Variants in FARP2 observed in about 807,000 individuals in gnomAD.
FARP2 encodes FERM, ARHGEF and pleckstrin domain-containing protein 2.
FARP2 carries 111 observed loss-of-function variants against 130.5 expected under a neutral mutation model. The ratio of observed to expected loss-of-function variants is 0.85; its 90% CI spans 0.73 to 1.00. The LOEUF (loss-of-function observed/expected upper bound fraction) is 1.00. Ranked by LOEUF, FARP2 falls within the 50% of genes least tolerant of loss-of-function variation. The probability of loss-of-function intolerance (pLI) is 0.00; values close to 1 mark genes in which losing one functional copy is unlikely to be tolerated. For synonymous variants in FARP2, 504 were observed against 516.9 expected (o/e 0.98, Z 0.34); for missense variants, 1,385 against 1,346.3 (o/e 1.03, Z -0.45).
At chr2:241,493,548 G>A (rs2065009708) in intron 26 of FARP2, 104 bp downstream of exon 26, 2 of 1,075,756 alleles carry the variant, frequency 1.9e-6, no homozygotes, top group African/African-American at 3.1e-5. Context: ...GCCCTGGAAA[G>A]GAAGGGCTGA....
intron 12 of FARP2, among the ~76,000 whole-genome samples, chr2:241,437,596 G>A (rs1241672353): frequency 2.6e-5 from 4 of 151,636 alleles, no homozygotes; most frequent in African/African-American, 4.8e-5. Flanking sequence ...CTCCCAAGTA[G>A]CTGTGATTAC....
chr2:241,468,230 A>C lies in FARP2; in HGVS notation c.1984A>C (p.Lys662Gln), dbSNP rs553950638. 4 of 1,614,114 alleles carry C rather than the reference A, an allele frequency of 2.5e-6. No individual in the cohort carries two copies. In the East Asian group the frequency reaches 8.9e-5, roughly 36 times the overall value. ...KRCKKLEAVY[K>Q]EFELQKVCYL... ...CTGTAAGAAGTTGGAGGCAGTGTAC[A>C]AGGAGTTTGAGCTGCAGAAGGTCTG... The change falls in exon 18 of 27, where the codon AAG (lysine) becomes CAG (glutamine). Residue 662 changes from lysine to glutamine, a missense_variant. Transcript: ENST00000264042.
At chr2:241,449,103 C>T (rs918573463) in intron 13 of FARP2, among the ~76,000 whole-genome samples, 3 of 152,236 alleles carry the variant, frequency 2.0e-5, no homozygotes, top group Admixed American at 6.5e-5. Flanking sequence ...TCGGCTAACT[C>T]ATCAGGTTCA....
rs777004891 is a variant in FARP2 at position 241,456,728 on chromosome 2, C to T, written c.1412-19C>T. On this transcript the variant is annotated intron_variant, in intron 13 of 26. Transcript: ENST00000264042. ...CCTTTCTCATTTCTCGCTCCATCCC[C>T]CTCCCCGTTCATTTCCAGGCCTTTC... The T allele has an allele frequency of 6.2e-7, 1 of 1,613,864 alleles. No homozygotes were observed. The highest frequency in any genetic ancestry group is 2.2e-5 in the East Asian group (1 of 44,870).
intron 1 of FARP2, among the ~76,000 whole-genome samples, chr2:241,366,476 C>G (rs895404142): frequency 6.6e-6 from 1 of 151,646 alleles, no homozygotes; most frequent in Non-Finnish European, 1.5e-5. Context: ...AAAAAAATAA[C>G]CTGGGGAGTA....
chr2:241,435,510 ATTT>A (rs374376821), intron 11 of FARP2, among the ~76,000 whole-genome samples: 5 of 134,530 alleles, frequency 3.7e-5, no homozygotes, highest in Admixed American at 7.5e-5. Context: ...TGGATTTGTA[ATTT>A]TTTTTTTTTT....
intron 4 of FARP2, among the ~76,000 whole-genome samples, chr2:241,405,717 T>C (rs533779883): frequency 5.3e-5 from 8 of 151,938 alleles, no homozygotes; most frequent in Non-Finnish European, 1.0e-4. Flanking sequence ...GCAGATCACC[T>C]GAGGTCAGGA....
intron 13 of FARP2, 62 bp from the exon 14 acceptor site, chr2:241,456,685 C>T: frequency 6.4e-7 from 1 of 1,564,186 alleles, no homozygotes; most frequent in Non-Finnish European, 8.8e-7. Flanking sequence ...AGTAGCGGCT[C>T]TAAGCCAGCC....
chr2:241,451,515 T>G (rs1226052158), intron 13 of FARP2, among the ~76,000 whole-genome samples: 1 of 152,214 alleles, frequency 6.6e-6, no homozygotes, highest in Non-Finnish European at 1.5e-5. Flanking sequence ...TAGCTGGGCC[T>G]CATCTTTGTG....
intron 12 of FARP2, among the ~76,000 whole-genome samples, chr2:241,437,018 G>A (rs1258182906): frequency 7.9e-5 from 12 of 152,172 alleles, no homozygotes; most frequent in African/African-American, 2.9e-4. Flanking sequence ...ATGTTGAGAT[G>A]TGCATCATAG....
chr2:241,432,367 T>A (rs1319785132), intron 9 of FARP2: 1 of 152,270 alleles, frequency 6.6e-6, no homozygotes, highest in African/African-American at 2.4e-5. Flanking sequence ...TCAGCGGGTC[T>A]GGGATGAACC....
At chr2:241,393,592 A>G (rs1396924804) in intron 2 of FARP2, among the ~76,000 whole-genome samples, 1 of 152,228 alleles carries the variant, frequency 6.6e-6, no homozygotes, top group African/African-American at 2.4e-5. Flanking sequence ...GATATGAATT[A>G]TATAATAGGA....
At chr2:241,370,114 G>C (rs572142336) in intron 1 of FARP2, among the ~76,000 whole-genome samples, 1 of 152,128 alleles carries the variant, frequency 6.6e-6, no homozygotes, top group Admixed American at 6.5e-5. Flanking sequence ...CTATTGTTTG[G>C]TAGCACAATA....
chr2:241,434,097 G>A (rs1051578667), intron 9 of FARP2, 61 bp from the exon 10 acceptor site: 4 of 1,295,308 alleles, frequency 3.1e-6, no homozygotes, highest in Non-Finnish European at 3.2e-6. Context: ...CTTCCTAAAT[G>A]TACTTTCTCT....
chr2:241,404,794 T>C lies in FARP2; in HGVS notation c.289-5T>C. 6.2e-7 allele frequency: 1 copy of C among 1,602,070 alleles called. No individual in the cohort carries two copies. On this transcript the variant is annotated splice_polypyrimidine_tract_variant and splice_region_variant and intron_variant, in intron 3 of 26. Transcript: ENST00000264042. Reference sequence around the variant, plus strand: ...ATTGGATTTCTTCTGTTAACTCTTCTTTAGATTTGGCTTGAACCTATGAAA... The same window carrying C: ...ATTGGATTTCTTCTGTTAACTCTTCCTTAGATTTGGCTTGAACCTATGAAA...
chr2:241,372,094 G>A (rs190383987), intron 1 of FARP2, among the ~76,000 whole-genome samples: 3,104 of 151,472 alleles, frequency 0.02, 53 homozygotes, highest in Middle Eastern at 0.13. Flanking sequence ...GACAAGCATA[G>A]CACTGTTAGA....
At chr2:241,383,130 G>C (rs544259703) in intron 2 of FARP2, among the ~76,000 whole-genome samples, 1 of 152,230 alleles carries the variant, frequency 6.6e-6, no homozygotes, top group Non-Finnish European at 1.5e-5. Flanking sequence ...GCACGTGTTT[G>C]GCAGGTATTT....
At chr2:241,445,762 C>G (rs547475578) in intron 13 of FARP2, 1 of 152,364 alleles carries the variant, frequency 6.6e-6, no homozygotes, top group South Asian at 2.1e-4. Flanking sequence ...ATTAACAGTT[C>G]TCTCTCAATC....
intron 2 of FARP2, among the ~76,000 whole-genome samples, chr2:241,377,379 G>A (rs181544811): frequency 1.3e-5 from 2 of 149,668 alleles, no homozygotes; most frequent in East Asian, 3.9e-4. Context: ...CTGTCGCCCA[G>A]GCCGGACTGC....
Sources: gnomAD v4.1 joint callset for allele counts (sites outside exome capture counted in the v4.1 genomes callset) on GRCh38, gnomAD v4.1.1 for gene constraint, MANE v1.5 for transcripts, NCBI Gene and HGNC (gene_info 2026-07-23, HGNC 2026-07-21) for gene names.